Variants in TACC2 observed in about 807,000 individuals in gnomAD.
TACC2 encodes transforming acidic coiled-coil containing protein 2.
In TACC2, 137 loss-of-function variants were observed where a neutral mutation model predicts 227.3. The ratio of observed to expected loss-of-function variants is 0.60; its 90% confidence interval spans 0.52 to 0.69. The LOEUF is 0.69. Among genes scored for constraint, TACC2 ranks in the 30% least tolerant of loss-of-function variants. The pLI is 0.00. For synonymous variants in TACC2, 1,523 were observed against 1,487.5 expected, an observed-to-expected ratio of 1.02 and a Z score of -0.55; for missense variants, 3,470 against 3,694.4, an observed-to-expected ratio of 0.94 and a Z score of 1.57.
chr10:122,217,702 A>C (rs2095439445), intron 11 of TACC2, among the ~76,000 whole-genome samples: 1 of 151,954 alleles, frequency 6.6e-6, no homozygotes. Context: ...GGCCTCCCAA[A>C]GTGCTGGGAT....
At chr10:122,056,508 T>G (rs186966473) in intron 3 of TACC2, among the ~76,000 whole-genome samples, 2 of 152,270 alleles carry the variant, frequency 1.3e-5, no homozygotes, top group Non-Finnish European at 2.9e-5. Context: ...TCCCAGGTAT[T>G]AGTACTGCTG....
rs979943300 is a variant in TACC2 at position 122,205,876 on chromosome 10, G to A, written c.5972-4521G>A. Among the ~76,000 whole-genome samples, 3 of 152,238 alleles carry A rather than the reference G, an allele frequency of 2.0e-5. No individual in the cohort carries two copies. The highest frequency in any genetic ancestry group is 2.9e-5 in the Non-Finnish European group (2 of 68,046). ...AAGACCAAGTACTGCTTTGTATCTC[G>A]TTAGCCTACTTAAAATGGACACCTT... On this transcript the variant is annotated intron_variant, in intron 8 of 22. Coordinates refer to ENST00000369005, the MANE Select transcript of TACC2 (RefSeq NM_206862.4). This position sits in a 1 kb window ranked among gnomAD's most constrained non-coding sequence, Gnocchi z 4.5.
intron 3 of TACC2, chr10:122,052,414 A>G (rs2075793498): frequency 6.6e-6 from 1 of 152,060 alleles, no homozygotes; most frequent in African/African-American, 2.4e-5. Flanking sequence ...AATTGAGCAT[A>G]AAAGAGGTGC....
At position 122,211,146 on chromosome 10, in the gene TACC2, G is replaced by C. The variant is rs772054587; in HGVS notation, c.6721G>C (p.Glu2241Gln). Residue 2241 changes from glutamate to glutamine, a missense_variant, in exon 9 of 23, where the codon GAG (glutamate) becomes CAG (glutamine). Glu to Gln is a conservative substitution (Grantham distance 29). Transcript: ENST00000369005. ...AACGCTGCCTCTTACCACGGCCCCGGAGGCAGGGGAGGTAACCCCATCGGA... is the reference window on the plus strand; with the variant it reads ...AACGCTGCCTCTTACCACGGCCCCGCAGGCAGGGGAGGTAACCCCATCGGA... ...RKTLPLTTAPEAGEVTPSDSG... is the reference protein window; with the variant it reads ...RKTLPLTTAPQAGEVTPSDSG... The C allele has an allele frequency of 2.1e-5, 34 of 1,609,686 alleles. No homozygotes were observed. The highest frequency in any genetic ancestry group is 2.9e-5 in the Non-Finnish European group (34 of 1,178,072).
chr10:122,169,796 A>C (rs755620255), intron 7 of TACC2, among the ~76,000 whole-genome samples: 11 of 152,050 alleles, frequency 7.2e-5, no homozygotes, highest in Non-Finnish European at 8.8e-5. Context: ...TGTCACCCAG[A>C]CTGGAGCACA....
At chr10:122,196,094 A>G (rs1326455791) in intron 8 of TACC2, among the ~76,000 whole-genome samples, 3 of 152,176 alleles carry the variant, frequency 2.0e-5, no homozygotes, top group Non-Finnish European at 4.4e-5. Flanking sequence ...GGCAAACTGT[A>G]CCTGAGAAGG....
At position 122,073,140 on chromosome 10, in the gene TACC2, TATATATATATATAC is replaced by T. The variant is rs1297844318; in HGVS notation, c.147-9505_147-9492del. 8.1e-4 allele frequency among the ~76,000 whole-genome samples: 83 copies of T among 102,164 alleles called. 3 individuals are homozygous for T. The highest frequency in any genetic ancestry group is 2.8e-3 in the African/African-American group (76 of 27,116). The allele number at this position is 102,164 out of a possible 152,430, so 67.0% of individuals were successfully genotyped here. A position where few individuals can be genotyped will look rare whatever the true frequency, so the allele number is the denominator to read the frequency against. On this transcript the variant is annotated intron_variant, in intron 3 of 22. Transcript: ENST00000369005. ...AAAAAAAAAAAAATATATATATATA[TATATATATATATAC>T]ACACACACACACGCATACATGAGAT...
chr10:122,043,461 CTTTCTTTCTTTCTT>C (rs2074553033), intron 2 of TACC2, among the ~76,000 whole-genome samples: 1 of 150,672 alleles, frequency 6.6e-6, no homozygotes, highest in African/African-American at 2.4e-5. Flanking sequence ...CTTTCTTTCT[CTTTCTTTCTTTCTT>C]TTTCTCTTTC....
intron 7 of TACC2, among the ~76,000 whole-genome samples, chr10:122,147,392 G>A (rs1226833751): frequency 6.6e-6 from 1 of 152,116 alleles, no homozygotes; most frequent in East Asian, 1.9e-4. Context: ...TGACCCGTCC[G>A]CCTTGACCTC....
intron 5 of TACC2, among the ~76,000 whole-genome samples, chr10:122,118,359 C>A (rs765661428): frequency 3.3e-5 from 5 of 152,130 alleles, no homozygotes; most frequent in Non-Finnish European, 7.3e-5. Flanking sequence ...TTCATCCCAG[C>A]AACTTAGCTG....
intron 3 of TACC2, among the ~76,000 whole-genome samples, chr10:122,053,684 A>G (rs965827481): frequency 2.6e-5 from 4 of 152,040 alleles, no homozygotes; most frequent in Non-Finnish European, 4.4e-5. Flanking sequence ...TCCCCTCTGA[A>G]CCAGAGGACA....
rs150873452 is a variant in TACC2, at chr10:122,239,166, G to A, written c.8348+1129G>A. On this transcript the variant is annotated intron_variant, in intron 18 of 22. Transcript: ENST00000369005. ...TTACAGGCACCTGCCACCATGCCCG[G>A]CTAATTTTTGTTTTGTATTTTTAGT... is the stretch of plus-strand genomic sequence containing the variant. Among the ~76,000 whole-genome samples the A allele has an allele frequency of 5.8e-3, 878 of 152,220 alleles. 12 individuals are homozygous for A. Among genetic ancestry groups the A allele is most frequent in the African/African-American group, 0.02 (832 of 41,536 alleles).
In TACC2 at chr10:122,087,855, T is replaced by C. The variant is rs570225185; in HGVS notation, c.5355T>C (p.Ile1785=). 2 of 1,524,912 alleles carry C rather than the reference T, an allele frequency of 1.3e-6. No homozygotes were observed. The highest frequency in any genetic ancestry group is 1.4e-5 in the African/African-American group (1 of 72,256). 94.5% of individuals were successfully genotyped at this position (1,524,912 alleles called of 1,614,324 possible). A position where few individuals can be genotyped will look rare whatever the true frequency, so the allele number is the denominator to read the frequency against. ...AGCAGCCAGGGCCTGAGCGCCCCAT[T>C]CCAGCTGGGGATGGGAAGGTGTGCG... The part of the protein sequence containing the change: ...AKEQPGPERP[I]PAGDGKVCVS... Residue 1785 remains isoleucine (I), a synonymous_variant, in exon 4 of 23, where the codon ATT becomes ATC. Coordinates refer to ENST00000369005, the MANE Select transcript of TACC2 (RefSeq NM_206862.4).
In TACC2 at chr10:122,230,449, T is replaced by TTGC. The variant is rs1474939194; in HGVS notation, c.8127+16_8127+18dup. The stretch of plus-strand genomic sequence containing the variant: ...GCCACCAGGATGCCAAGGTACCGGT[T>TTGC]TGCTGCTGCGTGCGCCACCTCCTGA... On this transcript the variant is annotated intron_variant, in intron 16 of 22. Transcript: ENST00000369005. 1 of 1,613,564 alleles carries TTGC rather than the reference T, an allele frequency of 6.2e-7. No homozygotes were observed. The highest frequency in any genetic ancestry group is 8.5e-7 in the Non-Finnish European group (1 of 1,179,566).
At chr10:122,078,335 A>G (rs1216804576) in intron 3 of TACC2, among the ~76,000 whole-genome samples, 1 of 151,262 alleles carries the variant, frequency 6.6e-6, no homozygotes, top group East Asian at 1.9e-4. Flanking sequence ...TGCAGGGGCC[A>G]TGTTTGTGTT....
chr10:122,171,845 G>A (rs2093486515), intron 7 of TACC2, among the ~76,000 whole-genome samples: 1 of 152,212 alleles, frequency 6.6e-6, no homozygotes, highest in African/African-American at 2.4e-5. Flanking sequence ...TTGGGCCCTT[G>A]GCCAGGCCCT....
At chr10:122,096,349 G>A (rs11200396) in intron 5 of TACC2, among the ~76,000 whole-genome samples, 70,112 of 151,952 alleles carry the variant, frequency 0.46, 16,851 homozygotes, top group East Asian at 0.78. Context: ...TGACAGCAGC[G>A]CTTGTGGCAA....
At chr10:122,102,759 G>C (rs1317696961) in intron 5 of TACC2, among the ~76,000 whole-genome samples, 1 of 152,186 alleles carries the variant, frequency 6.6e-6, no homozygotes, top group Non-Finnish European at 1.5e-5. Flanking sequence ...TGCAGACCTG[G>C]CTTGTGTGAA....
intron 1 of TACC2, among the ~76,000 whole-genome samples, chr10:121,995,825 C>T (rs1308858855): frequency 6.6e-6 from 1 of 152,158 alleles, no homozygotes; most frequent in Non-Finnish European, 1.5e-5. Flanking sequence ...GCAATCTTGG[C>T]TCACTGCAAC....
Sources: allele counts gnomAD v4.1 joint callset (sites outside exome capture counted in the v4.1 genomes callset), GRCh38; gene constraint gnomAD v4.1.1; non-coding constraint Gnocchi (gnomAD v3.1); transcripts MANE v1.5; gene names NCBI Gene and HGNC (gene_info 2026-07-23, HGNC 2026-07-21).